The following RGS7 variants were observed in gnomAD, a reference collection of about 807,000 sequenced individuals.
The protein encoded by RGS7 is regulator of G protein signaling 7, also known as regulator of G-protein signaling 7.
Under a neutral mutation model 81.1 loss-of-function variants are expected in RGS7, and 27 were observed. That is an observed-to-expected ratio of 0.33 (90% CI 0.25 to 0.46). The LOEUF is 0.46. Ranked by LOEUF, RGS7 falls within the 20% of genes least tolerant of loss-of-function variation. RGS7 has a pLI of 1.00. For missense variants in RGS7, 396 were observed against 607.4 expected, an observed-to-expected ratio of 0.65 and a Z score of 3.66; for synonymous variants, 208 against 207.7, an observed-to-expected ratio of 1.00 and a Z score of -0.01.
chr1:241,135,503 G>T (rs1400975481), intron 2 of RGS7, among the ~76,000 whole-genome samples: 1 of 151,884 alleles, frequency 6.6e-6, no homozygotes, highest in Admixed American at 6.6e-5. Context: ...GTGCTCTTGG[G>T]TTCGAGCTGA....
Position 241,341,823 on chromosome 1 carries a change from G to C in RGS7, c.78+13876C>G, listed in dbSNP as rs576676675. On this transcript the variant is annotated intron_variant, in intron 2 of 18. Transcript: ENST00000440928. ...CAATTTATACAGCTGGTTAGCGAGA[G>C]AGCCTGGATTCAAATCCACACAGGT... is the stretch of plus-strand genomic sequence containing the variant. 3.0e-4 allele frequency among the ~76,000 whole-genome samples: 46 copies of C among 151,094 alleles called. No individual in the cohort carries two copies. The South Asian group carries it at 5.9e-3, about 19-fold the overall frequency.
chr1:241,042,107 G>A (rs973366462), intron 3 of RGS7, among the ~76,000 whole-genome samples: 4 of 152,142 alleles, frequency 2.6e-5, no homozygotes, highest in African/African-American at 4.8e-5. Context: ...ATAACTCTAA[G>A]GAAGAAGGGG....
At chr1:240,823,074 TG>T in intron 10 of RGS7, 1 of 776,182 alleles carries the variant, frequency 1.3e-6, no homozygotes, top group Non-Finnish European at 2.2e-6. Flanking sequence ...CAATGTCACC[TG>T]GAATTGCTGA....
At chr1:241,117,685 T>C (rs1343831139) in intron 2 of RGS7, among the ~76,000 whole-genome samples, 1 of 152,134 alleles carries the variant, frequency 6.6e-6, no homozygotes, top group Non-Finnish European at 1.5e-5. Context: ...AAGAGTGTAA[T>C]GTACAGGCTT....
intron 3 of RGS7, among the ~76,000 whole-genome samples, chr1:241,053,153 T>C (rs76497682): frequency 0.048 from 7,267 of 152,170 alleles, 193 homozygotes; most frequent in Middle Eastern, 0.072. Flanking sequence ...AACTTGGGGC[T>C]AAGGAAACTT....
intron 16 of RGS7, among the ~76,000 whole-genome samples, chr1:240,801,780 T>C (rs974535719): frequency 2.0e-5 from 3 of 152,154 alleles, no homozygotes; most frequent in African/African-American, 7.2e-5. Context: ...ATAAAGTGGA[T>C]ATGTGAAGCC....
chr1:241,291,786 G>GCC (rs2079105468), intron 2 of RGS7, among the ~76,000 whole-genome samples: 1 of 151,938 alleles, frequency 6.6e-6, no homozygotes, highest in Admixed American at 6.6e-5. Context: ...ATGTTGGGCA[G>GCC]GCTGGTCTCG....
chr1:241,025,724 A>C (rs502881), intron 3 of RGS7, among the ~76,000 whole-genome samples: 66,988 of 151,696 alleles, frequency 0.44, 15,181 homozygotes, highest in Middle Eastern at 0.54. Context: ...AGGATATTAC[A>C]GTTCATAAGA....
intron 2 of RGS7, among the ~76,000 whole-genome samples, chr1:241,204,116 A>AT (rs1404142962): frequency 6.6e-6 from 1 of 152,240 alleles, no homozygotes; most frequent in Non-Finnish European, 1.5e-5. Flanking sequence ...TTTAGAAAGA[A>AT]TGAGCCTGAA....
At chr1:241,310,364 A>AGTGTGT (rs371574220) in intron 2 of RGS7, among the ~76,000 whole-genome samples, 1 of 150,740 alleles carries the variant, frequency 6.6e-6, no homozygotes, top group Non-Finnish European at 1.5e-5. Context: ...AAGGTGTGAG[A>AGTGTGT]GTGTGTGTGT....
At position 240,962,913 on chromosome 1, in the gene RGS7, G is replaced by A. The variant is rs980918857; in HGVS notation, c.226+20166C>T. ...ATATAAATATGGCTATATCAAAAAGGGTTTTAAATATAAGCTAAAACGCTT... is the reference window on the plus strand; with the variant it reads ...ATATAAATATGGCTATATCAAAAAGAGTTTTAAATATAAGCTAAAACGCTT... On this transcript the variant is annotated intron_variant, in intron 4 of 18. Transcript: ENST00000440928. Among the ~76,000 whole-genome samples the A allele has an allele frequency of 6.6e-5, 10 of 152,258 alleles. No homozygotes were observed. The East Asian group carries it at 1.7e-3, about 26-fold the overall frequency.
At chr1:240,872,292 G>A (rs907558628) in intron 6 of RGS7, among the ~76,000 whole-genome samples, 3 of 151,996 alleles carry the variant, frequency 2.0e-5, no homozygotes, top group African/African-American at 7.3e-5. Flanking sequence ...TGATTCTTTG[G>A]TATAAAGAAA....
At chr1:241,008,562 T>C (rs2058794402) in intron 3 of RGS7, among the ~76,000 whole-genome samples, 1 of 152,060 alleles carries the variant, frequency 6.6e-6, no homozygotes, top group African/African-American at 2.4e-5. Context: ...TGTTTGAAAA[T>C]TGTAAAAATA....
intron 3 of RGS7, among the ~76,000 whole-genome samples, chr1:241,093,140 C>T (rs2064001724): frequency 6.6e-6 from 1 of 151,844 alleles, no homozygotes; most frequent in Admixed American, 6.6e-5. Context: ...TCTTTTAGTA[C>T]AATTTCGCAG....
chr1:241,209,818 C>T (rs1276954877), intron 2 of RGS7, among the ~76,000 whole-genome samples: 2 of 151,950 alleles, frequency 1.3e-5, no homozygotes, highest in Non-Finnish European at 1.5e-5. Flanking sequence ...GCGTGGGTGT[C>T]AGAGCCAGAC....
intron 4 of RGS7, among the ~76,000 whole-genome samples, chr1:240,955,924 T>C (rs1189581453): frequency 3.1e-5 from 2 of 64,734 alleles, no homozygotes; most frequent in Non-Finnish European, 3.4e-5. Context: ...AGAAACCTAC[T>C]AGAAGAAAAC....
At chr1:240,981,296 G>C (rs896102263) in intron 4 of RGS7, among the ~76,000 whole-genome samples, 1 of 152,020 alleles carries the variant, frequency 6.6e-6, no homozygotes, top group Non-Finnish European at 1.5e-5. Flanking sequence ...TTTTAGTAGA[G>C]GCAGGGTTTT....
At chr1:241,309,323 TAGCAGTG>T (rs1398718532) in intron 2 of RGS7, among the ~76,000 whole-genome samples, 1 of 128,630 alleles carries the variant, frequency 7.8e-6, no homozygotes, top group African/African-American at 3.0e-5. Flanking sequence ...GAGGCAGAGG[TAGCAGTG>T]AGCAGAGATC....
Position 240,827,107 on chromosome 1 carries a change from T to C in RGS7, c.675A>G (p.Lys225=), listed in dbSNP as rs1234709873. The C allele has an allele frequency of 6.2e-7, 1 of 1,612,880 alleles. No individual in the cohort carries two copies. The highest frequency in any genetic ancestry group is 1.1e-5 in the South Asian group (1 of 91,060). Residue 225 remains lysine, a synonymous_variant, in exon 10 of 19, where the codon AAA becomes AAG. Transcript: ENST00000440928. ...KKSSRMRNPH[K]TRKSVYGLQN... ...CAAATGACAGTTTTACCTTCCGTGT[T>C]TTGTGGGGGTTTCTCATTCTGGATG...
Sources: gnomAD v4.1 joint callset for allele counts (sites outside exome capture counted in the v4.1 genomes callset) on GRCh38, gnomAD v4.1.1 for gene constraint, MANE v1.5 for transcripts, NCBI Gene and HGNC (gene_info 2026-07-23, HGNC 2026-07-21) for gene names.